The following TSPEAR variants were observed in gnomAD, a reference collection of about 807,000 sequenced individuals.
TSPEAR encodes the protein thrombospondin-type laminin G domain and EAR repeat-containing protein.
Under a neutral mutation model 71.6 loss-of-function variants are expected in TSPEAR, and 69 were observed. The observed-to-expected ratio is 0.96, with a 90% CI of 0.79 to 1.18. The LOEUF is 1.18. Ranked by LOEUF, TSPEAR falls within the 50% of genes most tolerant of loss-of-function variation. The pLI is 0.00. For synonymous variants in TSPEAR, 402 were observed against 387.2 expected (o/e 1.04, Z -0.45); for missense variants, 971 against 894.9 (o/e 1.09, Z -1.09).
At chr21:44,697,455 G>A in intron 1 of TSPEAR, 4 of 1,614,082 alleles carry the variant, frequency 2.5e-6, no homozygotes, top group Non-Finnish European at 3.4e-6. Context: ...CCCTCGTGCT[G>A]CCAGCAGTCT....
At chr21:44,627,016 A>T in intron 1 of TSPEAR, 1 of 1,222,788 alleles carries the variant, frequency 8.2e-7, no homozygotes, top group Non-Finnish European at 1.1e-6. Context: ...CCTCTCAGCA[A>T]CAAGGAAGGG....
At chr21:44,640,471 A>G (rs1983963732) in intron 1 of TSPEAR, among the ~76,000 whole-genome samples, 1 of 152,198 alleles carries the variant, frequency 6.6e-6, no homozygotes, top group Admixed American at 6.5e-5. Flanking sequence ...GATGGCTGAG[A>G]AACACTGGGA....
At position 44,602,049 on chromosome 21, in the gene TSPEAR, C is replaced by T. The variant is rs1555928980; in HGVS notation, c.83-34044G>A. The T allele has an allele frequency of 3.1e-5, 15 of 483,364 alleles. 1 individual carries two copies. Among genetic ancestry groups the T allele is most frequent in the African/African-American group, 1.2e-4 (6 of 51,416 alleles). 29.9% of individuals were successfully genotyped at this position (483,364 alleles called of 1,614,324 possible). The stretch of plus-strand genomic sequence containing the variant: ...GTAGACAGGTACCAACTGGGTTTCT[C>T]GTCACTGTCCCAGCTCAGTGGCGAG... On this transcript the variant is annotated intron_variant, in intron 1 of 11. Coordinates refer to ENST00000323084, the MANE Select transcript of TSPEAR (RefSeq NM_144991.3).
At chr21:44,701,873 C>G (rs1601582447) in intron 1 of TSPEAR, among the ~76,000 whole-genome samples, 1 of 152,172 alleles carries the variant, frequency 6.6e-6, no homozygotes, top group Non-Finnish European at 1.5e-5. Flanking sequence ...AGAACGTGTC[C>G]CCCCTGAGCA....
intron 2 of TSPEAR, chr21:44,558,087 C>T: frequency 1.2e-6 from 2 of 1,612,218 alleles, no homozygotes; most frequent in Non-Finnish European, 1.7e-6. Flanking sequence ...GAGGCCGCAG[C>T]ACGCGGAAGA....
At chr21:44,618,336 C>T (rs1982238765) in intron 1 of TSPEAR, among the ~76,000 whole-genome samples, 1 of 152,196 alleles carries the variant, frequency 6.6e-6, no homozygotes, top group African/African-American at 2.4e-5. Context: ...TTTCCTGAGG[C>T]CTCCCCAGCC....
chr21:44,505,582 C>CCCCG (rs2052177903), intron 10 of TSPEAR, among the ~76,000 whole-genome samples: 1 of 65,008 alleles, frequency 1.5e-5, no homozygotes, highest in African/African-American at 4.6e-5. Flanking sequence ...CCCCCCCCCC[C>CCCCG]CCCAGCCCCG....
At chr21:44,657,983 T>G in intron 1 of TSPEAR, 1 of 1,612,984 alleles carries the variant, frequency 6.2e-7, no homozygotes, top group Non-Finnish European at 8.5e-7. Context: ...CGCCACCATG[T>G]GCCACACCAG....
chr21:44,598,502 C>T (rs1197715666), intron 1 of TSPEAR, among the ~76,000 whole-genome samples: 2 of 152,222 alleles, frequency 1.3e-5, no homozygotes, highest in Non-Finnish European at 2.9e-5. Context: ...AGCCTTATTT[C>T]TAACATTATT....
At chr21:44,505,486 C>T (rs926757336) in intron 10 of TSPEAR, among the ~76,000 whole-genome samples, 2 of 150,124 alleles carry the variant, frequency 1.3e-5, no homozygotes, top group Admixed American at 6.7e-5. Context: ...GCTGTGTGGC[C>T]GCCCCCACCA....
intron 1 of TSPEAR, among the ~76,000 whole-genome samples, chr21:44,631,088 A>T (rs1347560731): frequency 1.3e-5 from 2 of 151,876 alleles, no homozygotes; most frequent in Non-Finnish European, 1.5e-5. Context: ...AAAGAAAAAA[A>T]AGCCAAGTAG....
chr21:44,628,387 C>G (rs587641806), intron 1 of TSPEAR: 3 of 337,180 alleles, frequency 8.9e-6, no homozygotes, highest in African/African-American at 4.2e-5. Flanking sequence ...CAGCTGACTC[C>G]GTGCTGACTC....
At position 44,695,733 on chromosome 21, in the gene TSPEAR, G is replaced by A. The variant is rs369796983; in HGVS notation, c.82+15700C>T. On this transcript the variant is annotated intron_variant, in intron 1 of 11. Coordinates refer to ENST00000323084, the MANE Select transcript of TSPEAR (RefSeq NM_144991.3). This position sits in a 1 kb window ranked among gnomAD's most constrained non-coding sequence, Gnocchi z 4.5. ...TCCACGCCAGGGTTCTCATCTCACC[G>A]CAGCGGGACAGGGGTACACGCCACA... is the stretch of plus-strand genomic sequence containing the variant. Among the ~76,000 whole-genome samples the A allele has an allele frequency of 2.6e-5, 4 of 152,248 alleles. No homozygotes were observed. The highest frequency in any genetic ancestry group is 2.1e-4 in the South Asian group (1 of 4,824).
intron 1 of TSPEAR, among the ~76,000 whole-genome samples, chr21:44,688,768 G>C (rs1986977516): frequency 6.6e-6 from 1 of 152,122 alleles, no homozygotes; most frequent in Non-Finnish European, 1.5e-5. Context: ...CCAGGGCAGA[G>C]GTGGGACCCA....
At chr21:44,707,004 C>A (rs1208521338) in intron 1 of TSPEAR, among the ~76,000 whole-genome samples, 4 of 152,260 alleles carry the variant, frequency 2.6e-5, no homozygotes, top group Admixed American at 6.5e-5. Context: ...CTTTCACGTC[C>A]GCCCCTGCCC....
chr21:44,681,854 G>A (rs1555948023), intron 1 of TSPEAR: 2 of 1,612,446 alleles, frequency 1.2e-6, no homozygotes. Context: ...AAGGGGTGCT[G>A]CAGGAGATGG....
chr21:44,606,718 G>C (rs1381074648), intron 1 of TSPEAR, among the ~76,000 whole-genome samples: 1 of 152,196 alleles, frequency 6.6e-6, no homozygotes, highest in Non-Finnish European at 1.5e-5. Flanking sequence ...TGTCATTTGT[G>C]ACAACTTGAA....
intron 1 of TSPEAR, among the ~76,000 whole-genome samples, chr21:44,585,236 T>C (rs1979263567): frequency 6.6e-6 from 1 of 152,176 alleles, no homozygotes; most frequent in African/African-American, 2.4e-5. Flanking sequence ...GTGCAGAATT[T>C]CTTCCCTCCA....
intron 1 of TSPEAR, among the ~76,000 whole-genome samples, chr21:44,614,753 T>C (rs1341283893): frequency 6.6e-6 from 1 of 152,144 alleles, no homozygotes; most frequent in African/African-American, 2.4e-5. Flanking sequence ...AACCTCTCTA[T>C]GCCACAAGAC....
Sources: allele counts gnomAD v4.1 joint callset (sites outside exome capture counted in the v4.1 genomes callset), GRCh38; gene constraint gnomAD v4.1.1; non-coding constraint Gnocchi (gnomAD v3.1); transcripts MANE v1.5; gene names NCBI Gene and HGNC (gene_info 2026-07-23, HGNC 2026-07-21).